Variants in ANKRD26 observed in about 807,000 individuals in gnomAD.
ANKRD26 encodes the protein ankyrin repeat domain 26.
In ANKRD26, 141 loss-of-function variants were observed where a neutral mutation model predicts 208.7. The ratio of observed to expected loss-of-function variants is 0.68; its 90% CI spans 0.59 to 0.78. ANKRD26 has a LOEUF of 0.78. ANKRD26 is among the 30% of genes least tolerant of loss of function. The pLI, the probability that ANKRD26 is intolerant of heterozygous loss-of-function variation, is 0.00. For synonymous variants in ANKRD26, 636 were observed against 660.4 expected (o/e 0.96, Z 0.57); for missense variants, 1,889 against 1,938.7 (o/e 0.97, Z 0.48).
chr10:27,003,710 C>G (rs981733221), downstream of ANKRD26, among the ~76,000 whole-genome samples: 1 of 152,168 alleles, frequency 6.6e-6, no homozygotes, highest in Non-Finnish European at 1.5e-5. Flanking sequence ...AAAGCCCCGC[C>G]CGAATGGCAC....
chr10:27,081,180 C>T (rs2055893046), intron 6 of ANKRD26, among the ~76,000 whole-genome samples: 1 of 152,202 alleles, frequency 6.6e-6, no homozygotes, highest in East Asian at 1.9e-4. Context: ...CTGTTCAGGA[C>T]TCCCCTGAAC....
At chr10:27,042,435 G>A (rs140224459) in intron 20 of ANKRD26, among the ~76,000 whole-genome samples, 3,180 of 151,914 alleles carry the variant, frequency 0.021, 54 homozygotes, top group Non-Finnish European at 0.032. Flanking sequence ...TGGCCAACAT[G>A]ATGAAACCCC....
At chr10:26,956,160 T>G in the ANKRD26 span, among the ~76,000 whole-genome samples, 1 of 152,276 alleles carries the variant, frequency 6.6e-6, no homozygotes, top group East Asian at 1.9e-4. Context: ...TAAATTGTTA[T>G]CTTACATATC....
chr10:26,950,845 G>A, the ANKRD26 span, among the ~76,000 whole-genome samples: 1 of 151,948 alleles, frequency 6.6e-6, no homozygotes, highest in Non-Finnish European at 1.5e-5. Flanking sequence ...CTGTATTTCT[G>A]TAAATATAGA....
chr10:26,976,712 C>T (rs7914382), intron 5 of ANKRD26, among the ~76,000 whole-genome samples: 128,611 of 152,144 alleles, frequency 0.85, 54,745 homozygotes, highest in African/African-American at 0.95. Context: ...GCTTCTTAGC[C>T]GTCACACAAG....
intron 7 of ANKRD26, among the ~76,000 whole-genome samples, 190 bp from the exon 8 acceptor site, chr10:27,077,883 G>T (rs2135579027): frequency 6.6e-6 from 1 of 152,128 alleles, no homozygotes; most frequent in East Asian, 1.9e-4. Flanking sequence ...AGGATTATGA[G>T]AGATGATACA....
chr10:27,054,967 A>G (rs1354155693), intron 15 of ANKRD26, among the ~76,000 whole-genome samples: 1 of 152,186 alleles, frequency 6.6e-6, no homozygotes, highest in Non-Finnish European at 1.5e-5. Flanking sequence ...TACTGTGGAG[A>G]GAATGAATTT....
intron 10 of ANKRD26, 32 bp downstream of exon 10, chr10:27,067,125 A>G (rs1050767212): frequency 6.2e-7 from 1 of 1,607,252 alleles, no homozygotes; most frequent in Admixed American, 1.7e-5. Context: ...ACTTAAGGAT[A>G]GAAAAATATT....
chr10:27,067,362 T>C, intron 9 of ANKRD26, 76 bp from the exon 10 acceptor site: 1 of 1,516,958 alleles, frequency 6.6e-7, no homozygotes, highest in Non-Finnish European at 9.0e-7. Flanking sequence ...TCAATCACTG[T>C]ATTAGTCCGT....
chr10:26,949,608 C>A, the ANKRD26 span, among the ~76,000 whole-genome samples: 1 of 152,158 alleles, frequency 6.6e-6, no homozygotes, highest in Non-Finnish European at 1.5e-5. Context: ...TGGGTTCAAG[C>A]AATTCTCTGC....
At chr10:27,073,916 A>G (rs752620234) in intron 9 of ANKRD26, among the ~76,000 whole-genome samples, 4 of 152,172 alleles carry the variant, frequency 2.6e-5, no homozygotes, top group Non-Finnish European at 5.9e-5. Context: ...GGAGCTCACT[A>G]CTACAAGGTC....
At chr10:27,088,376 G>T (rs909300707) in intron 4 of ANKRD26, 2 of 152,072 alleles carry the variant, frequency 1.3e-5, no homozygotes, top group Admixed American at 1.3e-4. Context: ...GGGCCATGCT[G>T]ATCTTCTCTA....
intron 5 of ANKRD26, among the ~76,000 whole-genome samples, chr10:27,084,886 A>AG (rs2056057904): frequency 6.6e-6 from 1 of 151,872 alleles, no homozygotes; most frequent in Non-Finnish European, 1.5e-5. Flanking sequence ...AAAAAAAAAA[A>AG]AAAATTTCTG....
At chr10:27,001,801 T>C (rs2052731713), downstream of ANKRD26, among the ~76,000 whole-genome samples, 1 of 152,336 alleles carries the variant, frequency 6.6e-6, no homozygotes, top group South Asian at 2.1e-4. Flanking sequence ...AGCTTGCTTA[T>C]CTATGTCAGC....
downstream of ANKRD26, among the ~76,000 whole-genome samples, chr10:26,971,598 C>T (rs1183986522): frequency 6.7e-6 from 1 of 150,012 alleles, no homozygotes; most frequent in Non-Finnish European, 1.5e-5. Flanking sequence ...ATCGCTTGAA[C>T]TCAGGAGGTG....
chr10:27,082,511 G>A (rs371332652), intron 6 of ANKRD26, among the ~76,000 whole-genome samples: 8 of 152,298 alleles, frequency 5.3e-5, no homozygotes, highest in South Asian at 4.1e-4. Context: ...ATCCAGCACC[G>A]CACAGGTCTC....
intron 15 of ANKRD26, among the ~76,000 whole-genome samples, chr10:27,054,307 G>C (rs971181880): frequency 2.0e-5 from 3 of 152,112 alleles, no homozygotes; most frequent in Middle Eastern, 3.2e-3. Context: ...AAATAAAACC[G>C]GGTACGGTGG....
intron 12 of ANKRD26, among the ~76,000 whole-genome samples, chr10:27,062,854 G>A (rs941789287): frequency 8.0e-5 from 12 of 150,170 alleles, no homozygotes; most frequent in South Asian, 2.1e-4. Context: ...TGCAACTTCC[G>A]TCTCCTGGGT....
chr10:27,027,265 C>G (rs1248551177), intron 27 of ANKRD26, among the ~76,000 whole-genome samples: 1 of 152,110 alleles, frequency 6.6e-6, no homozygotes, highest in Non-Finnish European at 1.5e-5. Context: ...GAAAAGAATG[C>G]TTGTATAATG....
Sources: gnomAD v4.1 joint callset for allele counts (sites outside exome capture counted in the v4.1 genomes callset) on GRCh38, gnomAD v4.1.1 for gene constraint, MANE v1.5 for transcripts, NCBI Gene and HGNC (gene_info 2026-07-23, HGNC 2026-07-21) for gene names.